Variants in TMEM178B observed in about 807,000 individuals in gnomAD.
TMEM178B encodes transmembrane protein 178B.
Under a neutral mutation model 31.0 loss-of-function variants are expected in TMEM178B, and 5 were observed. That is an observed-to-expected ratio of 0.16 (90% CI 0.08 to 0.34). TMEM178B has a LOEUF of 0.34. Ranked by LOEUF, TMEM178B falls within the 10% of genes least tolerant of loss-of-function variation. The pLI is 1.00. For missense variants in TMEM178B, 275 were observed against 400.3 expected, an observed-to-expected ratio of 0.69 and a Z score of 2.67; for synonymous variants, 164 against 164.0, an observed-to-expected ratio of 1.00 and a Z score of 0.00.
chr7:141,221,426 G>GA lies in TMEM178B; in HGVS notation c.496+8722_496+8723insA, dbSNP rs397936291. Among the ~76,000 whole-genome samples the GA allele has an allele frequency of 2.2e-4, 8 of 36,866 alleles. No homozygotes were observed. The African/African-American group carries it at 4.1e-3, about 19-fold the overall frequency. 24.2% of individuals were successfully genotyped at this position (36,866 alleles called of 152,430 possible). A position where few individuals can be genotyped will look rare whatever the true frequency, so the allele number is the denominator to read the frequency against. ...TGGATGTCAGAGCAGGCAGATACCT[G>GA]CATCAATAAAGTCAGTCAGCAGGTA... On this transcript the variant is annotated intron_variant, in intron 2 of 3. Transcript: ENST00000565468.
At chr7:141,322,792 C>T (rs967031872) in intron 2 of TMEM178B, among the ~76,000 whole-genome samples, 2 of 152,200 alleles carry the variant, frequency 1.3e-5, no homozygotes, top group African/African-American at 2.4e-5. Context: ...GGAATGAGAG[C>T]AGGTGGCTAG....
intron 1 of TMEM178B, among the ~76,000 whole-genome samples, chr7:141,112,578 A>G (rs948969558): frequency 3.9e-5 from 6 of 152,224 alleles, no homozygotes; most frequent in Admixed American, 6.5e-5. Flanking sequence ...CTGGATTAGA[A>G]TTTAACAATC....
At chr7:141,133,784 T>A (rs188081896) in intron 1 of TMEM178B, among the ~76,000 whole-genome samples, 3 of 152,284 alleles carry the variant, frequency 2.0e-5, no homozygotes, top group Admixed American at 1.3e-4. Context: ...CAAGGCAGAT[T>A]GTGGTCAGAC....
At chr7:141,304,829 G>A (rs1169278809) in intron 2 of TMEM178B, among the ~76,000 whole-genome samples, 1 of 151,990 alleles carries the variant, frequency 6.6e-6, no homozygotes, top group Non-Finnish European at 1.5e-5. Context: ...TATCTAACTT[G>A]TTGCAAGTCC....
At chr7:141,229,100 GGTGTGTGTGTGTGTGTGTGT>G (rs3035765) in intron 2 of TMEM178B, among the ~76,000 whole-genome samples, 2 of 134,782 alleles carry the variant, frequency 1.5e-5, no homozygotes, top group African/African-American at 2.8e-5. Context: ...GTGTGTGTGT[GGTGTGTGTGTGTGTGTGTGT>G]GTGTGTGTGT....
chr7:141,117,830 C>CAG lies in TMEM178B; in HGVS notation c.382+43138_382+43139insAG, dbSNP rs1795344221. Among the ~76,000 whole-genome samples the CAG allele has an allele frequency of 2.0e-5, 3 of 152,130 alleles. No individual in the cohort carries two copies. In the South Asian group the frequency reaches 6.2e-4, roughly 32 times the overall value. ...AGATCAGATGGTTGTAGATGTGTGG[C>CAG]GTTTTTTCTGAGGCTTCTGTTCTGT... is the stretch of plus-strand genomic sequence containing the variant. On this transcript the variant is annotated intron_variant, in intron 1 of 3. Transcript: ENST00000565468.
intron 2 of TMEM178B, among the ~76,000 whole-genome samples, chr7:141,385,879 T>G (rs1373172691): frequency 6.6e-6 from 1 of 152,228 alleles, no homozygotes; most frequent in Non-Finnish European, 1.5e-5. Flanking sequence ...ACCCTAACTT[T>G]AAAAATGATT....
chr7:141,442,715 T>TGGAA (rs1801684344), intron 3 of TMEM178B, among the ~76,000 whole-genome samples: 1 of 152,250 alleles, frequency 6.6e-6, no homozygotes, highest in Admixed American at 6.5e-5. Context: ...GAGAGGGCTT[T>TGGAA]CTTGACCACC....
intron 1 of TMEM178B, among the ~76,000 whole-genome samples, chr7:141,154,839 C>G (rs1294645362): frequency 3.3e-5 from 5 of 151,914 alleles, no homozygotes; most frequent in Non-Finnish European, 7.4e-5. Context: ...AAACGATTCT[C>G]CTGCCTTAGC....
intron 3 of TMEM178B, among the ~76,000 whole-genome samples, chr7:141,452,939 C>A (rs1426250830): frequency 6.6e-6 from 1 of 152,228 alleles, no homozygotes; most frequent in South Asian, 2.1e-4. Flanking sequence ...ACAATCTTGT[C>A]TCATGTCTCA....
chr7:141,237,397 G>A (rs1479676832), intron 2 of TMEM178B, among the ~76,000 whole-genome samples: 1 of 152,138 alleles, frequency 6.6e-6, no homozygotes, highest in Non-Finnish European at 1.5e-5. Context: ...ATAGTAGAGT[G>A]TGCTATAACC....
At chr7:141,211,820 G>A (rs1797056983) in intron 1 of TMEM178B, among the ~76,000 whole-genome samples, 1 of 152,182 alleles carries the variant, frequency 6.6e-6, no homozygotes. Context: ...TTTAAATTCA[G>A]ATTGCCAGGC....
intron 2 of TMEM178B, among the ~76,000 whole-genome samples, chr7:141,288,897 C>G (rs932588110): frequency 6.6e-6 from 1 of 152,214 alleles, no homozygotes; most frequent in African/African-American, 2.4e-5. Context: ...CCTCACCTGC[C>G]CTATCAGACT....
At position 141,074,385 on chromosome 7, in the gene TMEM178B, C is replaced by T; in HGVS notation, c.75C>T (p.Ala25=). The T allele has an allele frequency of 1.3e-6, 2 of 1,536,158 alleles. No individual in the cohort carries two copies. Among genetic ancestry groups the T allele is most frequent in the East Asian group, 2.4e-5 (1 of 40,902 alleles). Residue 25 remains alanine, a synonymous_variant, in exon 1 of 4, where the codon GCC becomes GCT. Transcript: ENST00000565468. This position sits in a 1 kb window ranked among gnomAD's most constrained non-coding sequence, Gnocchi z 5.1. ...ALCALGMLAV[A]ICSDHWYETD... is the part of the protein sequence containing the mutation. ...GCGCCCTCGGCATGCTGGCCGTGGCCATCTGCTCGGACCACTGGTACGAGA... is the reference window on the plus strand; with the variant it reads ...GCGCCCTCGGCATGCTGGCCGTGGCTATCTGCTCGGACCACTGGTACGAGA...
intron 1 of TMEM178B, among the ~76,000 whole-genome samples, chr7:141,148,483 C>T (rs1795897034): frequency 6.6e-6 from 1 of 152,064 alleles, no homozygotes; most frequent in African/African-American, 2.4e-5. Context: ...TTAGAGGAGC[C>T]AGGAAACCAT....
intron 2 of TMEM178B, among the ~76,000 whole-genome samples, chr7:141,322,789 G>C (rs1799123545): frequency 6.6e-6 from 1 of 152,162 alleles, no homozygotes; most frequent in African/African-American, 2.4e-5. Flanking sequence ...GGTGGAATGA[G>C]AGCAGGTGGC....
intron 2 of TMEM178B, among the ~76,000 whole-genome samples, chr7:141,220,397 C>T (rs1434921687): frequency 6.6e-6 from 1 of 151,516 alleles, no homozygotes; most frequent in African/African-American, 2.4e-5. Context: ...GCTGTGGGTC[C>T]CACCTACTTA....
intron 3 of TMEM178B, 69 bp from the exon 4 acceptor site, chr7:141,470,467 T>C (rs1019881633): frequency 7.2e-7 from 1 of 1,383,522 alleles, no homozygotes; most frequent in African/African-American, 1.5e-5. Context: ...CTTTTCTCTT[T>C]CTCTCTCCCG....
rs1218861531 is a variant in TMEM178B at position 141,271,147 on chromosome 7, G to A, written c.496+58443G>A. On this transcript the variant is annotated intron_variant, in intron 2 of 3. Coordinates refer to ENST00000565468, the MANE Select transcript of TMEM178B (RefSeq NM_001195278.2). ...CCTACCCCAGCAATGGCTCCTGGGTGAGACATGCAGCTGTATCTGGTTCCA... is the reference window on the plus strand; with the variant it reads ...CCTACCCCAGCAATGGCTCCTGGGTAAGACATGCAGCTGTATCTGGTTCCA... Among the ~76,000 whole-genome samples, 5 of 152,202 alleles carry A rather than the reference G, an allele frequency of 3.3e-5. No homozygotes were observed. The South Asian group carries it at 1.0e-3, about 32-fold the overall frequency.
Sources: allele counts gnomAD v4.1 joint callset (sites outside exome capture counted in the v4.1 genomes callset), GRCh38; gene constraint gnomAD v4.1.1; non-coding constraint Gnocchi (gnomAD v3.1); transcripts MANE v1.5; gene names NCBI Gene and HGNC (gene_info 2026-07-23, HGNC 2026-07-21).